CNTN1: variants seen among roughly 807,000 people sequenced by gnomAD.
CNTN1 encodes the protein contactin 1, also known as contactin-1.
In CNTN1, 38 loss-of-function variants were observed where a neutral mutation model predicts 126.4. The ratio of observed to expected loss-of-function variants is 0.30; its 90% CI spans 0.23 to 0.39. The LOEUF (loss-of-function observed/expected upper bound fraction) is 0.39. Ranked by LOEUF, CNTN1 falls within the 10% of genes least tolerant of loss-of-function variation. The pLI is 1.00. For missense variants in CNTN1, 1,009 were observed against 1,248.4 expected, an observed-to-expected ratio of 0.81 and a Z score of 2.89; for synonymous variants, 413 against 422.6, an observed-to-expected ratio of 0.98 and a Z score of 0.28.
At chr12:41,063,261 C>T (rs1949977571) in intron 23 of CNTN1, among the ~76,000 whole-genome samples, 1 of 152,166 alleles carries the variant, frequency 6.6e-6, no homozygotes, top group Non-Finnish European at 1.5e-5. Context: ...GGGAAAATAG[C>T]TAAAAGCTGA....
At chr12:40,697,240 A>G (rs1941472460) in intron 1 of CNTN1, among the ~76,000 whole-genome samples, 1 of 152,226 alleles carries the variant, frequency 6.6e-6, no homozygotes, top group South Asian at 2.1e-4. Flanking sequence ...CAGTGGTTGT[A>G]CCAGTTTGGC....
At chr12:40,737,953 G>A (rs1596509) in intron 1 of CNTN1, among the ~76,000 whole-genome samples, 123,513 of 152,036 alleles carry the variant, frequency 0.81, 50,938 homozygotes, top group East Asian at 0.98. Flanking sequence ...CTGTATTGAG[G>A]CATCATATTA....
intron 15 of CNTN1, among the ~76,000 whole-genome samples, chr12:40,965,998 C>CCACACACA (rs57532764): frequency 0.012 from 1,692 of 136,238 alleles, 34 homozygotes; most frequent in Admixed American, 0.059. Flanking sequence ...CCTCATCACA[C>CCACACACA]CACACACACA....
Position 40,937,018 on chromosome 12 carries a change from T to C in CNTN1, c.1110+113T>C. The C allele has an allele frequency of 2.2e-6, 3 of 1,361,060 alleles. No individual in the cohort carries two copies. The African/African-American group carries it at 4.3e-5, about 20-fold the overall frequency. The allele number at this position is 1,361,060 out of a possible 1,614,324, so 84.3% of individuals were successfully genotyped here. Reference sequence around the variant, plus strand: ...CAATACAGAAAGGGCACTTGGGCCCTGAAATATAAAAGCTTCCTAAAAAAG... The same window carrying C: ...CAATACAGAAAGGGCACTTGGGCCCCGAAATATAAAAGCTTCCTAAAAAAG... On this transcript the variant is annotated intron_variant, in intron 10 of 23. Transcript: ENST00000551295.
intron 1 of CNTN1, among the ~76,000 whole-genome samples, chr12:40,828,588 A>G (rs10879259): frequency 0.58 from 88,536 of 151,944 alleles, 26,131 homozygotes; most frequent in East Asian, 0.75. Context: ...GAGCTGAATC[A>G]ATAAGTGGAA....
intron 23 of CNTN1, among the ~76,000 whole-genome samples, chr12:41,047,269 A>G (rs1007231786): frequency 2.3e-4 from 35 of 152,232 alleles, no homozygotes; most frequent in African/African-American, 8.2e-4. Flanking sequence ...TGACATCTCT[A>G]TTCATACTTT....
At chr12:40,990,612 T>C (rs1201787950) in intron 16 of CNTN1, among the ~76,000 whole-genome samples, 1 of 152,230 alleles carries the variant, frequency 6.6e-6, no homozygotes, top group Non-Finnish European at 1.5e-5. Flanking sequence ...TTCTACTTTA[T>C]GAAAATGTCT....
chr12:40,936,422 T>C (rs1482602956), intron 9 of CNTN1, among the ~76,000 whole-genome samples: 1 of 152,174 alleles, frequency 6.6e-6, no homozygotes, highest in Non-Finnish European at 1.5e-5. Flanking sequence ...TGGTATCATA[T>C]TGAATTGAGA....
At chr12:40,844,068 G>GGTTTTTTTTTTTTTTTTTTT (rs1424373022) in intron 1 of CNTN1, among the ~76,000 whole-genome samples, 1 of 40,238 alleles carries the variant, frequency 2.5e-5, no homozygotes, top group African/African-American at 7.0e-5. Context: ...TTGGCACAAT[G>GGTTTTTTTTTTTTTTTTTTT]ATTTTTTTTT....
intron 1 of CNTN1, among the ~76,000 whole-genome samples, chr12:40,814,594 T>G (rs1941196514): frequency 6.6e-6 from 1 of 152,250 alleles, no homozygotes; most frequent in South Asian, 2.1e-4. Context: ...TTTTGGTTAC[T>G]GTAGGCTTGT....
chr12:40,770,509 T>C (rs1465995905), intron 1 of CNTN1, among the ~76,000 whole-genome samples: 5 of 152,156 alleles, frequency 3.3e-5, no homozygotes, highest in Non-Finnish European at 7.4e-5. Context: ...TAGATTTTCA[T>C]ATGCATGGAT....
At chr12:40,912,297 T>C (rs556787559) in intron 3 of CNTN1, among the ~76,000 whole-genome samples, 1 of 152,150 alleles carries the variant, frequency 6.6e-6, no homozygotes, top group African/African-American at 2.4e-5. Context: ...AAGTTGCACA[T>C]AATCTGTAAT....
At chr12:40,750,349 T>C (rs886887369) in intron 1 of CNTN1, among the ~76,000 whole-genome samples, 5 of 152,084 alleles carry the variant, frequency 3.3e-5, no homozygotes, top group Non-Finnish European at 7.4e-5. Context: ...TGTTCTAATA[T>C]ATAGGGAGGG....
At chr12:40,992,799 C>T (rs1212450382) in intron 16 of CNTN1, among the ~76,000 whole-genome samples, 3 of 152,208 alleles carry the variant, frequency 2.0e-5, no homozygotes, top group African/African-American at 7.2e-5. Context: ...CTTCAGAATA[C>T]AGCTCCTTGC....
intron 23 of CNTN1, 37 bp downstream of exon 23, chr12:41,029,256 C>T: frequency 6.2e-7 from 1 of 1,611,824 alleles, no homozygotes; most frequent in Non-Finnish European, 8.5e-7. Context: ...CAACTAAGTA[C>T]TTGTGAGTTT....
At chr12:40,703,613 T>G (rs955055774) in intron 1 of CNTN1, among the ~76,000 whole-genome samples, 1 of 152,210 alleles carries the variant, frequency 6.6e-6, no homozygotes. Flanking sequence ...GGTGCCTGTT[T>G]CTCACTGACC....
At chr12:40,776,809 C>G (rs1338090396) in intron 1 of CNTN1, among the ~76,000 whole-genome samples, 1 of 151,746 alleles carries the variant, frequency 6.6e-6, no homozygotes, top group Admixed American at 6.6e-5. Context: ...AGAACTCTAT[C>G]AAGTAGGCGA....
chr12:40,922,078 C>A (rs537061168), intron 4 of CNTN1, among the ~76,000 whole-genome samples, 178 bp from the exon 5 acceptor site: 6 of 152,264 alleles, frequency 3.9e-5, no homozygotes, highest in African/African-American at 1.4e-4. Context: ...AGCTAAATTA[C>A]AAATTATGGT....
intron 1 of CNTN1, among the ~76,000 whole-genome samples, chr12:40,719,228 TATA>T (rs1201767685): frequency 6.6e-6 from 1 of 152,204 alleles, no homozygotes; most frequent in Non-Finnish European, 1.5e-5. Context: ...ATTCTTTTTT[TATA>T]ATATTAGAGT....
Sources: gnomAD v4.1 joint callset for allele counts (sites outside exome capture counted in the v4.1 genomes callset) on GRCh38, gnomAD v4.1.1 for gene constraint, MANE v1.5 for transcripts, NCBI Gene and HGNC (gene_info 2026-07-23, HGNC 2026-07-21) for gene names.